The following GALNT10 variants were observed in gnomAD, a reference collection of about 807,000 sequenced individuals.
GALNT10 encodes polypeptide N-acetylgalactosaminyltransferase 10.
Under a neutral mutation model 75.0 loss-of-function variants are expected in GALNT10, and 41 were observed. The ratio of observed to expected loss-of-function variants is 0.55; its 90% CI spans 0.43 to 0.71. The LOEUF is 0.71. GALNT10 is among the 30% of genes least tolerant of loss of function. The pLI, the probability that GALNT10 is intolerant of heterozygous loss-of-function variation, is 0.00. For missense variants in GALNT10, 727 were observed against 818.5 expected, an observed-to-expected ratio of 0.89 and a Z score of 1.36; for synonymous variants, 302 against 313.0, an observed-to-expected ratio of 0.96 and a Z score of 0.37.
chr5:154,384,520 C>T (rs1191876709), intron 6 of GALNT10, among the ~76,000 whole-genome samples: 1 of 152,218 alleles, frequency 6.6e-6, no homozygotes, highest in African/African-American at 2.4e-5. Flanking sequence ...CTCACACTCA[C>T]AGCACATGTC....
intron 3 of GALNT10, among the ~76,000 whole-genome samples, chr5:154,315,339 A>G (rs1733122746): frequency 6.6e-6 from 1 of 152,226 alleles, no homozygotes; most frequent in African/African-American, 2.4e-5. Context: ...CACACAGCCA[A>G]GCCCCGCAGG....
Position 154,376,378 on chromosome 5 carries a change from G to A in GALNT10, c.670G>A (p.Gly224Arg), listed in dbSNP as rs772434071. ...REGLIRTRMLGASVATGDVIT... is the reference protein window; with the variant it reads ...REGLIRTRMLRASVATGDVIT... Reference sequence around the variant, plus strand: ...AGGGCTGATAAGGACCCGAATGCTGGGGGCCTCAGTGGCAACTGGGGATGT... The same window carrying A: ...AGGGCTGATAAGGACCCGAATGCTGAGGGCCTCAGTGGCAACTGGGGATGT... The change falls in exon 5 of 12, where the codon GGG becomes AGG. Residue 224 changes from glycine to arginine, a missense_variant. Coordinates refer to ENST00000297107, the MANE Select transcript of GALNT10 (RefSeq NM_198321.4). The surrounding 1 kb of genome is among the most constrained non-coding windows in gnomAD (Gnocchi z 4.1). 1.9e-6 allele frequency: 3 copies of A among 1,609,212 alleles called. No homozygotes were observed. Among genetic ancestry groups the A allele is most frequent in the South Asian group, 2.2e-5 (2 of 90,160 alleles).
chr5:154,197,525 G>A (rs532868250), intron 1 of GALNT10, among the ~76,000 whole-genome samples: 72 of 152,220 alleles, frequency 4.7e-4, no homozygotes, highest in African/African-American at 1.7e-3. Flanking sequence ...GTTCCTGTTT[G>A]CTGCCCTCTG....
intron 7 of GALNT10, among the ~76,000 whole-genome samples, chr5:154,390,857 A>G (rs1188870480): frequency 2.0e-5 from 3 of 152,262 alleles, no homozygotes; most frequent in Admixed American, 2.0e-4. Flanking sequence ...ATTTTTCTCC[A>G]CAGTTATTTA....
chr5:154,413,051 T>G (rs1432411470), intron 10 of GALNT10, 46 bp downstream of exon 10: 1 of 1,246,470 alleles, frequency 8.0e-7, no homozygotes, highest in African/African-American at 1.5e-5. Flanking sequence ...CTCTGAAACA[T>G]CTGCAGCCTG....
chr5:154,332,866 T>G (rs987437844), intron 4 of GALNT10, among the ~76,000 whole-genome samples: 1 of 152,188 alleles, frequency 6.6e-6, no homozygotes, highest in Non-Finnish European at 1.5e-5. Flanking sequence ...GGGTTGGGCT[T>G]GTAGCACTCA....
chr5:154,329,544 C>A, intron 3 of GALNT10, 28 bp from the exon 4 acceptor site: 2 of 1,599,762 alleles, frequency 1.3e-6, no homozygotes, highest in Non-Finnish European at 1.7e-6. Flanking sequence ...TGACCCTGTC[C>A]TCTGCCTCCC....
intron 1 of GALNT10, among the ~76,000 whole-genome samples, chr5:154,245,809 T>C (rs895912171): frequency 5.2e-5 from 1 of 19,298 alleles, no homozygotes; most frequent in African/African-American, 1.1e-4. Flanking sequence ...TCTTAAGCGC[T>C]TTTTTTTTTT....
chr5:154,356,903 A>G (rs1400054321), intron 4 of GALNT10, among the ~76,000 whole-genome samples: 2 of 152,248 alleles, frequency 1.3e-5, no homozygotes, highest in Non-Finnish European at 2.9e-5. Context: ...CAAGAGGTAG[A>G]CAGGAATTTT....
At chr5:154,215,911 T>A (rs1046884573) in intron 1 of GALNT10, among the ~76,000 whole-genome samples, 1 of 152,188 alleles carries the variant, frequency 6.6e-6, no homozygotes, top group African/African-American at 2.4e-5. Flanking sequence ...TACCTTTCTG[T>A]TTTTTAGCTG....
intron 7 of GALNT10, chr5:154,387,998 G>A (rs1755833971): frequency 6.6e-6 from 1 of 150,970 alleles, no homozygotes; most frequent in Admixed American, 6.6e-5. Flanking sequence ...TCCACCTCCT[G>A]GGTTCAAGTG....
At chr5:154,200,900 A>G (rs1442433592) in intron 1 of GALNT10, among the ~76,000 whole-genome samples, 1 of 152,188 alleles carries the variant, frequency 6.6e-6, no homozygotes, top group Non-Finnish European at 1.5e-5. Flanking sequence ...TTAATTTTTA[A>G]ATGTTCATAT....
intron 4 of GALNT10, among the ~76,000 whole-genome samples, chr5:154,361,019 G>T (rs922785547): frequency 6.6e-6 from 1 of 152,048 alleles, no homozygotes; most frequent in African/African-American, 2.4e-5. Context: ...TTATTAAAAA[G>T]ATTTATCATT....
rs549043218 is a variant in GALNT10, at chr5:154,414,435, T to C, written c.1504-1348T>C. ...ATTATTGATAAATGCTGTTAGGACA[T>C]AGATGATTCTCAACAAAATTATGTT... On this transcript the variant is annotated intron_variant, in intron 10 of 11. Transcript: ENST00000297107. 2.6e-5 allele frequency among the ~76,000 whole-genome samples: 4 copies of C among 152,150 alleles called. No homozygotes were observed. The South Asian group carries it at 6.2e-4, about 24-fold the overall frequency.
intron 1 of GALNT10, among the ~76,000 whole-genome samples, chr5:154,229,100 A>G (rs79799441): frequency 0.012 from 1,884 of 152,172 alleles, 20 homozygotes; most frequent in Non-Finnish European, 0.019. Flanking sequence ...GATTGATTGC[A>G]TTTTTGTTAG....
intron 6 of GALNT10, among the ~76,000 whole-genome samples, chr5:154,384,865 G>A (rs2113183521): frequency 6.6e-6 from 1 of 152,328 alleles, no homozygotes; most frequent in Non-Finnish European, 1.5e-5. Flanking sequence ...TTTTACATGT[G>A]TAAAATGGTG....
At chr5:154,263,293 G>A (rs577471) in intron 1 of GALNT10, among the ~76,000 whole-genome samples, 1 of 152,110 alleles carries the variant, frequency 6.6e-6, no homozygotes, top group Middle Eastern at 3.4e-3. Context: ...TATATATACC[G>A]ACTGTGGAAT....
chr5:154,348,211 A>C (rs1755157227), intron 4 of GALNT10, among the ~76,000 whole-genome samples: 1 of 152,222 alleles, frequency 6.6e-6, no homozygotes. Context: ...ATCATCAGTC[A>C]TTTGTTTCTC....
intron 1 of GALNT10, among the ~76,000 whole-genome samples, chr5:154,244,177 A>G (rs1753385764): frequency 6.6e-6 from 1 of 152,186 alleles, no homozygotes; most frequent in Non-Finnish European, 1.5e-5. Context: ...GAATGGAGTG[A>G]CCGCCTAGCA....
Sources: allele counts gnomAD v4.1 joint callset (sites outside exome capture counted in the v4.1 genomes callset), GRCh38; gene constraint gnomAD v4.1.1; non-coding constraint Gnocchi (gnomAD v3.1); transcripts MANE v1.5; gene names NCBI Gene and HGNC (gene_info 2026-07-23, HGNC 2026-07-21).